TMEM181: variants seen among roughly 807,000 people sequenced by gnomAD.
TMEM181 encodes G protein-coupled receptor 178.
Under a neutral mutation model 71.9 loss-of-function variants are expected in TMEM181, and 39 were observed. The observed-to-expected ratio is 0.54, with a 90% confidence interval of 0.42 to 0.71. TMEM181 has a LOEUF of 0.71. Ranked by LOEUF, TMEM181 falls within the 30% of genes least tolerant of loss-of-function variation. The pLI is 0.00. For synonymous variants in TMEM181, 245 were observed against 228.8 expected, an observed-to-expected ratio of 1.07 and a Z score of -0.64; for missense variants, 595 against 583.0, an observed-to-expected ratio of 1.02 and a Z score of -0.21.
chr6:158,614,145 T>G (rs531097657), intron 10 of TMEM181, among the ~76,000 whole-genome samples: 1 of 152,352 alleles, frequency 6.6e-6, no homozygotes, highest in Admixed American at 6.5e-5. Context: ...TAAATAATCC[T>G]GTTTACCTCT....
intron 1 of TMEM181, chr6:158,536,983 G>A (rs911735745): frequency 5.6e-6 from 4 of 713,990 alleles, no homozygotes; most frequent in Non-Finnish European, 7.1e-6. Context: ...TCCGCCGGCC[G>A]GGCGCGGAGC....
chr6:158,571,602 G>A (rs1782852150), intron 1 of TMEM181, among the ~76,000 whole-genome samples: 1 of 152,244 alleles, frequency 6.6e-6, no homozygotes, highest in Non-Finnish European at 1.5e-5. Flanking sequence ...CCGGCCATCT[G>A]CAGTGTTAAT....
At position 158,632,369 on chromosome 6, in the gene TMEM181, T is replaced by C. The variant is rs1786712261; in HGVS notation, c.*481T>C. The C allele has an allele frequency of 1.2e-5, 2 of 168,632 alleles. No homozygotes were observed. Among genetic ancestry groups the C allele is most frequent in the Admixed American group, 1.1e-4 (2 of 17,566 alleles). 10.4% of individuals were successfully genotyped at this position (168,632 alleles called of 1,614,324 possible). ...GTGGCTGCTTCAGGGCAGTCCTTCCTCGTTGAGTGGCCAGTGCCCTGGGTA... is the reference window on the plus strand; with the variant it reads ...GTGGCTGCTTCAGGGCAGTCCTTCCCCGTTGAGTGGCCAGTGCCCTGGGTA... On this transcript the variant is annotated 3_prime_UTR_variant, in exon 17 of 17. Coordinates refer to ENST00000684151, the MANE Select transcript of TMEM181 (RefSeq NM_001376852.1).
chr6:158,580,419 G>GA (rs1178571143), intron 2 of TMEM181, among the ~76,000 whole-genome samples: 4 of 151,860 alleles, frequency 2.6e-5, no homozygotes, highest in Non-Finnish European at 4.4e-5. Flanking sequence ...GTAAAAATTG[G>GA]AAAAAAAACT....
At chr6:158,562,022 G>A (rs1782208652) in intron 1 of TMEM181, among the ~76,000 whole-genome samples, 1 of 152,158 alleles carries the variant, frequency 6.6e-6, no homozygotes, top group African/African-American at 2.4e-5. Flanking sequence ...AGGTGAGAAA[G>A]AAGAGAAGTC....
intron 6 of TMEM181, among the ~76,000 whole-genome samples, chr6:158,602,511 TC>T (rs961239294): frequency 1.1e-4 from 16 of 152,352 alleles, no homozygotes; most frequent in African/African-American, 3.6e-4. Flanking sequence ...TTCAGTTACT[TC>T]ATATCCCGTC....
rs1052022039 is a variant in TMEM181, at chr6:158,628,176, G to A, written c.1110-232G>A. Reference sequence around the variant, plus strand: ...CAGGGTTCATCCTGTCCCTGCAGCCGGCCGGTGGGTCTAGCCCACCTAGAT... The same window carrying A: ...CAGGGTTCATCCTGTCCCTGCAGCCAGCCGGTGGGTCTAGCCCACCTAGAT... On this transcript the variant is annotated intron_variant, in intron 13 of 16. Coordinates refer to ENST00000684151, the MANE Select transcript of TMEM181 (RefSeq NM_001376852.1). 74 of 675,720 alleles carry A rather than the reference G, an allele frequency of 1.1e-4. No homozygotes were observed. In the East Asian group the frequency reaches 1.6e-3, roughly 14 times the overall value. The allele number at this position is 675,720 out of a possible 1,614,324, so 41.9% of individuals were successfully genotyped here.
rs528978957 is a variant in TMEM181, at chr6:158,617,438, T to C, written c.897-6112T>C. On this transcript the variant is annotated intron_variant, in intron 10 of 16. Transcript: ENST00000684151. ...TTCAAAAAACCAGCTCCTGGATTCA[T>C]TGATTTTTTTGAAGGGTTTTTTTTG... Among the ~76,000 whole-genome samples, 133 of 148,876 alleles carry C rather than the reference T, an allele frequency of 8.9e-4. 3 individuals are homozygous for C. In the South Asian group the frequency reaches 0.025, roughly 27 times the overall value.
chr6:158,580,905 A>G (rs1283582052), intron 2 of TMEM181, 35 bp from the exon 3 acceptor site: 2 of 1,565,640 alleles, frequency 1.3e-6, no homozygotes, highest in East Asian at 4.6e-5. Context: ...CAATATTGCT[A>G]TAATCTGCTT....
intron 6 of TMEM181, among the ~76,000 whole-genome samples, chr6:158,593,176 G>A (rs985291434): frequency 2.6e-5 from 4 of 152,120 alleles, no homozygotes; most frequent in African/African-American, 9.7e-5. Flanking sequence ...TAAGAAGTTG[G>A]GAGCGATCTG....
chr6:158,587,004 T>C (rs899441378), intron 5 of TMEM181, among the ~76,000 whole-genome samples: 4 of 152,092 alleles, frequency 2.6e-5, no homozygotes, highest in African/African-American at 9.7e-5. Flanking sequence ...TCTGCTCTCT[T>C]CCTATCCGAG....
intron 6 of TMEM181, among the ~76,000 whole-genome samples, chr6:158,600,401 C>T (rs1255348212): frequency 4.0e-5 from 6 of 150,972 alleles, no homozygotes; most frequent in African/African-American, 9.8e-5. Flanking sequence ...CCACCCGCAT[C>T]GGCCTCCCGA....
intron 10 of TMEM181, among the ~76,000 whole-genome samples, chr6:158,622,112 C>T (rs923604305): frequency 1.3e-5 from 2 of 152,194 alleles, no homozygotes; most frequent in African/African-American, 4.8e-5. Flanking sequence ...CTGACCTCTG[C>T]CCAAGATGAC....
intron 6 of TMEM181, among the ~76,000 whole-genome samples, chr6:158,592,697 G>A (rs1582999914): frequency 6.6e-6 from 1 of 152,046 alleles, no homozygotes; most frequent in East Asian, 1.9e-4. Context: ...CGTTGGCCAG[G>A]CTAGTTTCAA....
intron 2 of TMEM181, among the ~76,000 whole-genome samples, chr6:158,574,481 C>T (rs1006443552): frequency 6.6e-6 from 1 of 152,156 alleles, no homozygotes; most frequent in Non-Finnish European, 1.5e-5. Flanking sequence ...GTAGGGGAGG[C>T]ATTAATATTC....
chr6:158,562,992 C>G (rs1782272202), intron 1 of TMEM181, among the ~76,000 whole-genome samples: 1 of 152,208 alleles, frequency 6.6e-6, no homozygotes, highest in South Asian at 2.1e-4. Flanking sequence ...CTCTAGAGCC[C>G]ACACTCCTGA....
chr6:158,594,380 T>C (rs150402833), intron 6 of TMEM181, among the ~76,000 whole-genome samples: 197 of 152,292 alleles, frequency 1.3e-3, no homozygotes, highest in African/African-American at 4.2e-3. Flanking sequence ...ATTACATGCG[T>C]GAGCCACTGT....
chr6:158,575,760 A>G (rs1431624895), intron 2 of TMEM181, among the ~76,000 whole-genome samples: 2 of 152,118 alleles, frequency 1.3e-5, no homozygotes, highest in East Asian at 1.9e-4. Context: ...CCTACATTTG[A>G]TATATGCTTC....
intron 3 of TMEM181, among the ~76,000 whole-genome samples, chr6:158,583,652 T>C (rs1034509829): frequency 6.6e-6 from 1 of 151,994 alleles, no homozygotes; most frequent in African/African-American, 2.4e-5. Context: ...TACAAAAAAT[T>C]AGCTGGACGT....
Sources: allele counts gnomAD v4.1 joint callset (sites outside exome capture counted in the v4.1 genomes callset), GRCh38; gene constraint gnomAD v4.1.1; transcripts MANE v1.5; gene names NCBI Gene and HGNC (gene_info 2026-07-23, HGNC 2026-07-21).